The following SLC26A8 variants were observed in gnomAD, a reference collection of about 807,000 sequenced individuals.
SLC26A8 encodes solute carrier family 26 member 8.
In SLC26A8, 70 loss-of-function variants were observed where a neutral mutation model predicts 105.0. The ratio of observed to expected loss-of-function variants is 0.67; its 90% confidence interval spans 0.55 to 0.81. SLC26A8 has a LOEUF of 0.81. SLC26A8 is among the 40% of genes least tolerant of loss of function. The pLI is 0.00. For missense variants in SLC26A8, 998 were observed against 1,181.8 expected (o/e 0.84, Z 2.28); for synonymous variants, 415 against 438.3 (o/e 0.95, Z 0.66).
intron 5 of SLC26A8, among the ~76,000 whole-genome samples, chr6:35,995,205 A>G (rs1761317663): frequency 6.6e-6 from 1 of 152,172 alleles, no homozygotes; most frequent in East Asian, 1.9e-4. Flanking sequence ...CCATCTTGTA[A>G]ATGGCAAAAA....
chr6:35,968,839 G>A (rs1311389970), intron 11 of SLC26A8, 38 bp downstream of exon 11: 11 of 1,326,848 alleles, frequency 8.3e-6, no homozygotes, highest in African/African-American at 1.7e-5. Context: ...CAGAGCCCTG[G>A]TCGTTGTTGA....
rs1581615589 is a variant in SLC26A8 at position 35,943,880 on chromosome 6, C to T, written c.*20G>A. On this transcript the variant is annotated 3_prime_UTR_variant, in exon 20 of 20. Transcript: ENST00000490799. ...GAGGATTTGCCAGCATTATCTGACCCCTTATTTCTAGTTCATCTCCTAGAC... is the reference window on the plus strand; with the variant it reads ...GAGGATTTGCCAGCATTATCTGACCTCTTATTTCTAGTTCATCTCCTAGAC... 1.9e-6 allele frequency: 3 copies of T among 1,607,954 alleles called. No individual in the cohort carries two copies. The highest frequency in any genetic ancestry group is 2.2e-5 in the East Asian group (1 of 44,766).
chr6:35,992,927 C>T (rs1348083662), intron 5 of SLC26A8, among the ~76,000 whole-genome samples: 2 of 152,110 alleles, frequency 1.3e-5, no homozygotes, highest in Admixed American at 6.6e-5. Flanking sequence ...CACTTAAGTT[C>T]TTGCCCTAGA....
chr6:35,964,875 G>A (rs1040890664), intron 11 of SLC26A8, among the ~76,000 whole-genome samples: 1 of 151,400 alleles, frequency 6.6e-6, no homozygotes, highest in Admixed American at 6.6e-5. Context: ...GCTGAGGTGG[G>A]AGAACTCCTT....
chr6:35,987,911 CTTTTTT>C (rs34557500), intron 7 of SLC26A8, among the ~76,000 whole-genome samples: 1 of 132,060 alleles, frequency 7.6e-6, no homozygotes, highest in African/African-American at 2.8e-5. Context: ...ACCTTTCTTT[CTTTTTT>C]TTTTTTTTTT....
chr6:35,959,603 G>A lies in SLC26A8; in HGVS notation c.1732-12C>T. 1 of 1,611,504 alleles carries A rather than the reference G, an allele frequency of 6.2e-7. No homozygotes were observed. The highest frequency in any genetic ancestry group is 8.5e-7 in the Non-Finnish European group (1 of 1,179,318). On this transcript the variant is annotated splice_polypyrimidine_tract_variant and intron_variant, in intron 15 of 19. Coordinates refer to ENST00000490799, the MANE Select transcript of SLC26A8 (RefSeq NM_052961.4). Reference sequence around the variant, plus strand: ...TTTACCATATCAACCTGAAAGACATGAGAGGTCTCATCCAGAGGAAGAATG... The same window carrying A: ...TTTACCATATCAACCTGAAAGACATAAGAGGTCTCATCCAGAGGAAGAATG...
intron 1 of SLC26A8, among the ~76,000 whole-genome samples, chr6:36,020,610 C>A (rs898069248): frequency 5.9e-5 from 9 of 151,922 alleles, no homozygotes; most frequent in African/African-American, 1.9e-4. Context: ...CAGAGCGAGA[C>A]CCTGTCTCTA....
chr6:36,015,704 C>A (rs1000429223), intron 2 of SLC26A8, among the ~76,000 whole-genome samples: 1 of 152,070 alleles, frequency 6.6e-6, no homozygotes, highest in African/African-American at 2.4e-5. Flanking sequence ...TGGCACATGT[C>A]CCCCGATCCA....
chr6:35,985,200 T>C (rs1390900272), intron 7 of SLC26A8, among the ~76,000 whole-genome samples: 2 of 152,178 alleles, frequency 1.3e-5, no homozygotes, highest in Non-Finnish European at 2.9e-5. Context: ...CAGGTATTGA[T>C]TGATATATTG....
chr6:35,947,921 A>AC, intron 19 of SLC26A8, among the ~76,000 whole-genome samples: 1 of 152,230 alleles, frequency 6.6e-6, no homozygotes, highest in African/African-American at 2.4e-5. Context: ...ACAGAGTGAG[A>AC]CCCTGTCTCA....
Position 35,943,740 on chromosome 6 carries a change from C to G in SLC26A8, c.*160G>C. On this transcript the variant is annotated 3_prime_UTR_variant, in exon 20 of 20. Transcript: ENST00000490799. The stretch of plus-strand genomic sequence containing the variant: ...TAGTAATGTGATTTGGGAGTATGAT[C>G]CCAGCGCAGAGCAAGGAAGAAGGCT... 1 of 1,040,180 alleles carries G rather than the reference C, an allele frequency of 9.6e-7. No individual in the cohort carries two copies. Among genetic ancestry groups the G allele is most frequent in the Non-Finnish European group, 1.4e-6 (1 of 737,090 alleles). 64.4% of individuals were successfully genotyped at this position (1,040,180 alleles called of 1,614,324 possible).
In SLC26A8 at chr6:35,969,371, C is replaced by G. The variant is rs528277713; in HGVS notation, c.1288-417G>C. ...TCCTAGCACATTGGGAGGCTGAGGC[C>G]GGCAGATCACAAGGTCAAAAGATGG... On this transcript the variant is annotated intron_variant, in intron 10 of 19. Coordinates refer to ENST00000490799, the MANE Select transcript of SLC26A8 (RefSeq NM_052961.4). 65 of 164,870 alleles carry G rather than the reference C, an allele frequency of 3.9e-4. No homozygotes were observed. The East Asian group carries it at 0.011, about 29-fold the overall frequency. 10.2% of individuals were successfully genotyped at this position (164,870 alleles called of 1,614,324 possible).
At chr6:35,984,874 GACAT>G (rs1306105484) in intron 7 of SLC26A8, among the ~76,000 whole-genome samples, 1 of 152,182 alleles carries the variant, frequency 6.6e-6, no homozygotes, top group East Asian at 1.9e-4. Context: ...GCAGGGGTCA[GACAT>G]ACGTCATTAT....
At chr6:35,944,783 A>C (rs1253295820) in intron 19 of SLC26A8, among the ~76,000 whole-genome samples, 5 of 152,106 alleles carry the variant, frequency 3.3e-5, no homozygotes, top group Admixed American at 1.3e-4. Context: ...ACAGGACTTA[A>C]GGTACCAGAA....
chr6:35,966,435 A>G (rs1159907013), intron 11 of SLC26A8, among the ~76,000 whole-genome samples: 1 of 151,704 alleles, frequency 6.6e-6, no homozygotes, highest in Admixed American at 6.6e-5. Context: ...ATGCAACAAC[A>G]TTTTTATCCT....
chr6:35,980,938 G>C (rs1050854825), intron 8 of SLC26A8, among the ~76,000 whole-genome samples: 1 of 152,114 alleles, frequency 6.6e-6, no homozygotes, highest in African/African-American at 2.4e-5. Context: ...CTTGAACCCG[G>C]GAGGTGGAGG....
intron 2 of SLC26A8, among the ~76,000 whole-genome samples, chr6:36,017,194 A>AACGG (rs1762015948): frequency 1.8e-5 from 1 of 54,384 alleles, no homozygotes; most frequent in South Asian, 5.8e-4. Context: ...AGGAAAGAAG[A>AACGG]ATGGAAGGAA....
In SLC26A8 at chr6:35,997,797, C is replaced by G; in HGVS notation, c.568G>C (p.Gly190Arg). The G allele has an allele frequency of 6.2e-7, 1 of 1,614,034 alleles. No individual in the cohort carries two copies. Among genetic ancestry groups the G allele is most frequent in the Non-Finnish European group, 8.5e-7 (1 of 1,180,010 alleles). Reference protein sequence around the residue: ...NEFSAPSYLMGYNKSLSVVAT... With the variant: ...NEFSAPSYLMRYNKSLSVVAT... Reference sequence around the variant, plus strand: ...ACCACACTCAAGGATTTATTATAGCCCATAAGGTAGGAGGGGGCCGAAAAC... The same window carrying G: ...ACCACACTCAAGGATTTATTATAGCGCATAAGGTAGGAGGGGGCCGAAAAC... The change falls in exon 5 of 20, where the codon GGC (glycine) becomes CGC (arginine). Residue 190 changes from glycine (G) to arginine (R), a missense_variant. Physicochemically the swap from Gly to Arg is moderately radical, Grantham distance 125. Coordinates refer to ENST00000490799, the MANE Select transcript of SLC26A8 (RefSeq NM_052961.4).
intron 3 of SLC26A8, among the ~76,000 whole-genome samples, chr6:36,011,504 T>C (rs184786062): frequency 1.7e-3 from 260 of 152,336 alleles, no homozygotes; most frequent in African/African-American, 6.0e-3. Context: ...CTGTGTGATC[T>C]TGTTGTCTTA....
Sources: gnomAD v4.1 joint callset for allele counts (sites outside exome capture counted in the v4.1 genomes callset) on GRCh38, gnomAD v4.1.1 for gene constraint, MANE v1.5 for transcripts, NCBI Gene and HGNC (gene_info 2026-07-23, HGNC 2026-07-21) for gene names.